The following ZCCHC2 variants were observed in gnomAD, a reference collection of about 807,000 sequenced individuals.
ZCCHC2 encodes zinc finger CCHC domain-containing protein 2.
Under a neutral mutation model 103.6 loss-of-function variants are expected in ZCCHC2, and 39 were observed. The ratio of observed to expected loss-of-function variants is 0.38; its 90% CI spans 0.29 to 0.49. The LOEUF is 0.49. Among genes scored for constraint, ZCCHC2 ranks in the 20% least tolerant of loss-of-function variants. The pLI is 0.96. For synonymous variants in ZCCHC2, 687 were observed against 608.9 expected, an observed-to-expected ratio of 1.13 and a Z score of -1.89; for missense variants, 1,483 against 1,491.0, an observed-to-expected ratio of 0.99 and a Z score of 0.09.
In ZCCHC2 at chr18:62,577,766, G is replaced by T. The variant is rs370032876; in HGVS notation, c.*1187G>T. 7.0e-5 allele frequency: 10 copies of T among 143,508 alleles called. No homozygotes were observed. In the East Asian group the frequency reaches 2.2e-3, roughly 31 times the overall value. 8.9% of individuals were successfully genotyped at this position (143,508 alleles called of 1,614,324 possible). ...CTGCTGTTTTTAAAAAAAAAAAAAA[G>T]TTTTTTTAAAAAGCCAATCTATGTA... On this transcript the variant is annotated 3_prime_UTR_variant, in exon 14 of 14. Coordinates refer to ENST00000269499, the MANE Select transcript of ZCCHC2 (RefSeq NM_017742.6).
In ZCCHC2 at chr18:62,550,386, C is replaced by T. The variant is rs754579691; in HGVS notation, c.1239C>T (p.Thr413=). The T allele has an allele frequency of 6.2e-7, 1 of 1,613,754 alleles. No individual in the cohort carries two copies. The highest frequency in any genetic ancestry group is 1.1e-5 in the South Asian group (1 of 91,014). Reference sequence around the variant, plus strand: ...TGTCTTCAGAGACTTTTGACAAGACCATCTTAAGAGCCCTGAATCAGGGTT... The same window carrying T: ...TGTCTTCAGAGACTTTTGACAAGACTATCTTAAGAGCCCTGAATCAGGGTT... ...KELSSETFDK[T]ILRALNQGSL... Residue 413 remains threonine, a synonymous_variant, in exon 5 of 14, where the codon ACC becomes ACT. Coordinates refer to ENST00000269499, the MANE Select transcript of ZCCHC2 (RefSeq NM_017742.6).
intron 4 of ZCCHC2, among the ~76,000 whole-genome samples, chr18:62,549,744 A>G (rs944593799): frequency 6.6e-6 from 1 of 152,196 alleles, no homozygotes; most frequent in African/African-American, 2.4e-5. Context: ...TTTCTAGCAC[A>G]TTGCTCTGAG....
At chr18:62,549,444 A>G (rs939686686) in intron 4 of ZCCHC2, among the ~76,000 whole-genome samples, 5 of 152,240 alleles carry the variant, frequency 3.3e-5, no homozygotes, top group Admixed American at 6.5e-5. Flanking sequence ...ACTTTTCAGA[A>G]GAAAATTTAC....
At chr18:62,524,621 A>C (rs1364755975) in intron 1 of ZCCHC2, 2 of 473,230 alleles carry the variant, frequency 4.2e-6, no homozygotes, top group Non-Finnish European at 7.1e-6. Flanking sequence ...CTTCCGTGCC[A>C]CGGTGTTGCC....
intron 12 of ZCCHC2, among the ~76,000 whole-genome samples, chr18:62,570,858 C>T (rs1916572067): frequency 6.6e-6 from 1 of 152,052 alleles, no homozygotes; most frequent in African/African-American, 2.4e-5. Flanking sequence ...TTTATGTCTG[C>T]CATTTTGTTG....
intron 6 of ZCCHC2, among the ~76,000 whole-genome samples, chr18:62,557,102 A>T (rs1378120029): frequency 6.6e-6 from 1 of 151,928 alleles, no homozygotes; most frequent in African/African-American, 2.4e-5. Context: ...CTGAAACATC[A>T]CCTCTTCCAC....
At chr18:62,544,932 C>T in intron 4 of ZCCHC2, 59 bp downstream of exon 4, 1 of 1,350,936 alleles carries the variant, frequency 7.4e-7, no homozygotes, top group East Asian at 2.8e-5. Context: ...ATCCAGAAAC[C>T]TCAACGTCAA....
rs58420866 is a variant in ZCCHC2 at position 62,570,081 on chromosome 18, A to T, written c.1847-22A>T. 2,683 of 1,553,614 alleles carry T rather than the reference A, an allele frequency of 1.7e-3. 45 individuals carry two copies. In the African/African-American group the frequency reaches 0.033, roughly 19 times the overall value. On this transcript the variant is annotated intron_variant, in intron 11 of 13. Transcript: ENST00000269499. Reference sequence around the variant, plus strand: ...TTAAAATGACTTAACATGATTTTTTAAAATAGTGTTGTTATTTTTAGATGT... The same window carrying T: ...TTAAAATGACTTAACATGATTTTTTTAAATAGTGTTGTTATTTTTAGATGT...
intron 1 of ZCCHC2, among the ~76,000 whole-genome samples, chr18:62,530,291 A>T (rs1914624113): frequency 1.3e-5 from 2 of 152,180 alleles, no homozygotes; most frequent in Admixed American, 1.3e-4. Flanking sequence ...ACTAGCTGTG[A>T]TAGTTGTCAG....
At chr18:62,557,533 T>A (rs1054319152) in intron 6 of ZCCHC2, among the ~76,000 whole-genome samples, 3 of 152,252 alleles carry the variant, frequency 2.0e-5, no homozygotes, top group African/African-American at 7.2e-5. Context: ...TGTGATTAGT[T>A]GACCAAGACA....
Position 62,524,435 on chromosome 18 carries a change from G to C in ZCCHC2, c.939+72G>C, listed in dbSNP as rs772760965. Reference sequence around the variant, plus strand: ...CGGCGGCCTCCCCGGCCTCGCTCTCGGACGCCCCTTGCCCGAGCCCCAGCC... The same window carrying C: ...CGGCGGCCTCCCCGGCCTCGCTCTCCGACGCCCCTTGCCCGAGCCCCAGCC... On this transcript the variant is annotated intron_variant, in intron 1 of 13. Transcript: ENST00000269499. 1.7e-5 allele frequency: 24 copies of C among 1,423,924 alleles called. 1 individual carries two copies. The South Asian group carries it at 3.5e-4, about 21-fold the overall frequency. 88.2% of individuals were successfully genotyped at this position (1,423,924 alleles called of 1,614,324 possible).
chr18:62,523,825 T>G lies in ZCCHC2; in HGVS notation c.401T>G (p.Leu134Arg). The change falls in exon 1 of 14, where the codon CTG becomes CGG. Residue 134 changes from leucine to arginine, a missense_variant. Leu to Arg is a moderately radical substitution (Grantham distance 102). This residue lies in a region of ZCCHC2 where 568 missense variants were observed against 525.1 expected (regional missense o/e 1.08). Transcript: ENST00000269499. Reference protein sequence around the residue: ...PLELRFLGSCLEDLARKDYHY... With the variant: ...PLELRFLGSCREDLARKDYHY... The stretch of plus-strand genomic sequence containing the variant: ...GAGCTGCGCTTCCTTGGCTCGTGCC[T>G]GGAGGACCTGGCGCGCAAGGACTAC... 6.5e-7 allele frequency: 1 copy of G among 1,544,418 alleles called. No homozygotes were observed.
intron 3 of ZCCHC2, among the ~76,000 whole-genome samples, chr18:62,543,903 C>T (rs1300800634): frequency 1.3e-5 from 2 of 152,154 alleles, no homozygotes; most frequent in Admixed American, 6.5e-5. Context: ...AGTAGCTGCT[C>T]CACAAACATT....
At position 62,523,896 on chromosome 18, in the gene ZCCHC2, C is replaced by A. The variant is rs940124878; in HGVS notation, c.472C>A (p.Pro158Thr). The change falls in exon 1 of 14, where the codon CCG becomes ACG. Residue 158 changes from proline (P) to threonine (T), a missense_variant. Physicochemically the swap from Pro to Thr is conservative, Grantham distance 38. Around this residue, in one of 3 missense-constraint regions of ZCCHC2, gnomAD observed 568 missense variants for 525.1 expected, o/e 1.08. Coordinates refer to ENST00000269499, the MANE Select transcript of ZCCHC2 (RefSeq NM_017742.6). ...GGCCAAGGCCAACGGCCTCTCGGACCCGGGGCCGCTGGCCGACTTCCGAGA... is the reference window on the plus strand; with the variant it reads ...GGCCAAGGCCAACGGCCTCTCGGACACGGGGCCGCTGGCCGACTTCCGAGA... ...SEAKANGLSD[P>T]GPLADFREPA... The A allele has an allele frequency of 6.5e-7, 1 of 1,539,644 alleles. No homozygotes were observed. The highest frequency in any genetic ancestry group is 8.7e-7 in the Non-Finnish European group (1 of 1,144,958).
intron 1 of ZCCHC2, chr18:62,524,648 TCC>T: frequency 2.5e-6 from 1 of 402,320 alleles, no homozygotes; most frequent in Middle Eastern, 6.4e-4. Context: ...GACGTGGAGC[TCC>T]CCGCCCGGGG....
At position 62,524,099 on chromosome 18, in the gene ZCCHC2, C is replaced by G; in HGVS notation, c.675C>G (p.Gly225=). The G allele has an allele frequency of 6.6e-7, 1 of 1,519,376 alleles. No homozygotes were observed. The highest frequency in any genetic ancestry group is 1.2e-5 in the South Asian group (1 of 82,110). 94.1% of individuals were successfully genotyped at this position (1,519,376 alleles called of 1,614,324 possible). A position where few individuals can be genotyped will look rare whatever the true frequency, so the allele number is the denominator to read the frequency against. ...GGAEDERGED[G]DGEQDAEKDG... ...CGGAGGACGAGCGCGGCGAGGACGG[C>G]GACGGCGAGCAGGACGCCGAGAAGG... The change falls in exon 1 of 14, where the codon GGC becomes GGG. Residue 225 remains glycine (G), a synonymous_variant. Transcript: ENST00000269499.
intron 8 of ZCCHC2, 143 bp from the exon 9 acceptor site, chr18:62,562,866 C>CTTTTT: frequency 1.2e-6 from 1 of 859,282 alleles, no homozygotes; most frequent in Non-Finnish European, 1.8e-6. Context: ...TCATAGTATA[C>CTTTTT]TTTTTTTTCT....
intron 1 of ZCCHC2, among the ~76,000 whole-genome samples, chr18:62,526,488 C>T (rs530474754): frequency 6.6e-6 from 1 of 152,330 alleles, no homozygotes; most frequent in South Asian, 2.1e-4. Context: ...CCAGCTGTGG[C>T]TTGTTCTGGC....
chr18:62,557,312 T>G (rs575754257), intron 6 of ZCCHC2, among the ~76,000 whole-genome samples: 5 of 152,238 alleles, frequency 3.3e-5, no homozygotes, highest in Non-Finnish European at 5.9e-5. Context: ...AGGAACATTT[T>G]TCTTTTTTAA....
Sources: gnomAD v4.1 joint callset for allele counts (sites outside exome capture counted in the v4.1 genomes callset) on GRCh38, gnomAD v4.1.1 for gene constraint, gnomAD v4.1.1 regional missense constraint, MANE v1.5 for transcripts, NCBI Gene and HGNC (gene_info 2026-07-23, HGNC 2026-07-21) for gene names.